Variants in RASAL2 observed in about 807,000 individuals in gnomAD.
The protein encoded by RASAL2 is ras GTPase-activating protein nGAP.
RASAL2 carries 58 observed loss-of-function variants against 128.9 expected under a neutral mutation model. The ratio of observed to expected loss-of-function variants is 0.45; its 90% CI spans 0.36 to 0.56. The LOEUF is 0.56. Among genes scored for constraint, RASAL2 ranks in the 20% least tolerant of loss-of-function variants. RASAL2 has a pLI of 0.00. For synonymous variants in RASAL2, 561 were observed against 580.8 expected, an observed-to-expected ratio of 0.97 and a Z score of 0.49; for missense variants, 1,360 against 1,601.6, an observed-to-expected ratio of 0.85 and a Z score of 2.57.
At chr1:178,223,270 T>C (rs2102007087) in intron 1 of RASAL2, among the ~76,000 whole-genome samples, 1 of 152,284 alleles carries the variant, frequency 6.6e-6, no homozygotes, top group East Asian at 1.9e-4. Flanking sequence ...AATATACAAT[T>C]ACAACGCCAC....
chr1:178,193,448 A>G (rs948573317), intron 1 of RASAL2, among the ~76,000 whole-genome samples: 1 of 152,194 alleles, frequency 6.6e-6, no homozygotes, highest in African/African-American at 2.4e-5. Context: ...TATATTGAAA[A>G]TAATAAAAAT....
rs927163708 is a variant in RASAL2, at chr1:178,457,603, G to T, written c.2391-80G>T. The T allele has an allele frequency of 1.4e-5, 21 of 1,467,586 alleles. No homozygotes were observed. In the African/African-American group the frequency reaches 2.7e-4, roughly 19 times the overall value. The allele number at this position is 1,467,586 out of a possible 1,614,324, so 90.9% of individuals were successfully genotyped here. ...TATCCACATAAGAACCTTCGGAGGA[G>T]TTCATATGCCTGAATTGAGGCATCT... is the stretch of plus-strand genomic sequence containing the variant. On this transcript the variant is annotated intron_variant, in intron 13 of 17. Coordinates refer to ENST00000367649, the MANE Select transcript of RASAL2 (RefSeq NM_170692.4).
intron 5 of RASAL2, among the ~76,000 whole-genome samples, chr1:178,428,777 C>G (rs959059589): frequency 6.6e-6 from 1 of 151,936 alleles, no homozygotes; most frequent in Non-Finnish European, 1.5e-5. Context: ...TTACAAAATT[C>G]TAATCAAAAC....
chr1:178,271,316 T>C (rs1018784282), intron 1 of RASAL2, among the ~76,000 whole-genome samples: 1 of 152,216 alleles, frequency 6.6e-6, no homozygotes, highest in African/African-American at 2.4e-5. Flanking sequence ...TAAACTTTTA[T>C]TTACTTTTTA....
At chr1:178,201,903 C>G (rs904773967) in intron 1 of RASAL2, among the ~76,000 whole-genome samples, 2 of 152,154 alleles carry the variant, frequency 1.3e-5, no homozygotes, top group Non-Finnish European at 2.9e-5. Flanking sequence ...ACCCAGAACC[C>G]CTTGAATGAA....
At chr1:178,214,598 G>A (rs532834893) in intron 1 of RASAL2, among the ~76,000 whole-genome samples, 14 of 147,200 alleles carry the variant, frequency 9.5e-5, no homozygotes, top group East Asian at 2.0e-4. Context: ...TCGCTCTGTC[G>A]CCCAGGCTGG....
At chr1:178,114,112 A>G (rs1293328886) in intron 1 of RASAL2, among the ~76,000 whole-genome samples, 1 of 151,944 alleles carries the variant, frequency 6.6e-6, no homozygotes, top group African/African-American at 2.4e-5. Context: ...GCTTTTCTAA[A>G]TGGAGGATCA....
At chr1:178,110,829 C>G (rs1659293487) in intron 1 of RASAL2, among the ~76,000 whole-genome samples, 1 of 151,678 alleles carries the variant, frequency 6.6e-6, no homozygotes, top group South Asian at 2.1e-4. Context: ...CTCAGGCAAT[C>G]CGTCTGCCTC....
chr1:178,221,075 G>A lies in RASAL2; in HGVS notation c.203-62489G>A, dbSNP rs925865657. On this transcript the variant is annotated intron_variant, in intron 1 of 17. Transcript: ENST00000367649. Reference sequence around the variant, plus strand: ...AGAGTTCCTGTTGCTTCACACCCTTGCCAGCATTTGGTGGTTTTAGTGTTT... The same window carrying A: ...AGAGTTCCTGTTGCTTCACACCCTTACCAGCATTTGGTGGTTTTAGTGTTT... Among the ~76,000 whole-genome samples, 23 of 152,186 alleles carry A rather than the reference G, an allele frequency of 1.5e-4. 1 individual carries two copies. Among genetic ancestry groups the A allele is most frequent in the Non-Finnish European group, 1.2e-4 (8 of 68,030 alleles).
intron 3 of RASAL2, among the ~76,000 whole-genome samples, chr1:178,339,321 A>G (rs1040035713): frequency 2.6e-5 from 4 of 152,214 alleles, no homozygotes; most frequent in Non-Finnish European, 5.9e-5. Flanking sequence ...AGTAATTTCT[A>G]CTTAACCTTC....
intron 1 of RASAL2, among the ~76,000 whole-genome samples, chr1:178,196,609 C>G (rs994116258): frequency 6.6e-6 from 1 of 152,116 alleles, no homozygotes; most frequent in Non-Finnish European, 1.5e-5. Context: ...TATAAGTAAT[C>G]TAGAGATGAT....
chr1:178,296,054 T>C (rs942897431), intron 2 of RASAL2, among the ~76,000 whole-genome samples: 2 of 152,028 alleles, frequency 1.3e-5, no homozygotes, highest in Non-Finnish European at 2.9e-5. Context: ...TGTGTGTATA[T>C]ATATGTGTGT....
At chr1:178,309,077 A>T (rs1668122758) in intron 3 of RASAL2, among the ~76,000 whole-genome samples, 1 of 152,168 alleles carries the variant, frequency 6.6e-6, no homozygotes, top group African/African-American at 2.4e-5. Context: ...TAGATTGGCT[A>T]TTAAATTAAT....
chr1:178,454,254 A>G (rs1011358100), intron 11 of RASAL2, among the ~76,000 whole-genome samples, 193 bp from the exon 12 acceptor site: 2 of 151,716 alleles, frequency 1.3e-5, no homozygotes, highest in East Asian at 3.9e-4. Context: ...ATAGAAAGCT[A>G]TTCTCAAAGC....
intron 2 of RASAL2, among the ~76,000 whole-genome samples, chr1:178,297,802 T>C (rs1667584592): frequency 6.6e-6 from 1 of 152,002 alleles, no homozygotes; most frequent in Admixed American, 6.6e-5. Flanking sequence ...AATAATTGAG[T>C]GAATTTTAGG....
At chr1:178,464,567 G>GCTGTGTGTGTGT (rs1647444610) in intron 15 of RASAL2, among the ~76,000 whole-genome samples, 155 bp downstream of exon 15, 1 of 145,020 alleles carries the variant, frequency 6.9e-6, no homozygotes, top group African/African-American at 2.5e-5. Context: ...ATAGGTCAGT[G>GCTGTGTGTGTGT]GTGTGTGTGT....
chr1:178,415,301 T>G (rs1250704016), intron 4 of RASAL2, among the ~76,000 whole-genome samples: 1 of 152,132 alleles, frequency 6.6e-6, no homozygotes, highest in Non-Finnish European at 1.5e-5. Flanking sequence ...GTTTTTTAAT[T>G]TCTCTTGAGA....
At chr1:178,161,113 T>A (rs74358685) in intron 1 of RASAL2, among the ~76,000 whole-genome samples, 10 of 148,858 alleles carry the variant, frequency 6.7e-5, no homozygotes, top group East Asian at 2.0e-4. Context: ...TCAAATACTT[T>A]AAAAAAAAAA....
In RASAL2 at chr1:178,464,363, A is replaced by G. The variant is rs772229797; in HGVS notation, c.3338A>G (p.Asp1113Gly). ...CTGAACAATGGGCAGTATGAAGAGG[A>G]TGTGGAAGAAACTGAGCAAAATCTA... is the stretch of plus-strand genomic sequence containing the variant. ...WVLNNGQYEE[D>G]VEETEQNLDE... is the part of the protein sequence containing the mutation. The change falls in exon 15 of 18, where the codon GAT becomes GGT. Residue 1113 changes from aspartate to glycine, a missense_variant. Coordinates refer to ENST00000367649, the MANE Select transcript of RASAL2 (RefSeq NM_170692.4). 4 of 1,613,750 alleles carry G rather than the reference A, an allele frequency of 2.5e-6. No individual in the cohort carries two copies. The South Asian group carries it at 4.4e-5, about 18-fold the overall frequency.
Sources: allele counts gnomAD v4.1 joint callset (sites outside exome capture counted in the v4.1 genomes callset), GRCh38; gene constraint gnomAD v4.1.1; transcripts MANE v1.5; gene names NCBI Gene and HGNC (gene_info 2026-07-23, HGNC 2026-07-21).